ENOX2: variants seen among roughly 807,000 people sequenced by gnomAD.
ENOX2 encodes ecto-NOX disulfide-thiol exchanger 2.
In ENOX2, 36 loss-of-function variants were observed where a neutral mutation model predicts 45.0. That is an observed-to-expected ratio of 0.80 (90% confidence interval 0.61 to 1.06). The LOEUF (loss-of-function observed/expected upper bound fraction) is 1.06, where lower values mean the gene tolerates loss of function less well. ENOX2 is among the 50% of genes least tolerant of loss of function. The pLI is 0.00. For missense variants in ENOX2, 423 were observed against 462.5 expected, an observed-to-expected ratio of 0.91 and a Z score of 0.78; for synonymous variants, 174 against 152.3, an observed-to-expected ratio of 1.14 and a Z score of -1.05.
intron 2 of ENOX2, 52 bp from the exon 3 acceptor site, chrX:130,783,742 G>T (rs2076927167): frequency 4.2e-6 from 1 of 239,541 alleles, no homozygotes; most frequent in Non-Finnish European, 7.7e-6. Context: ...GACTGGGATT[G>T]TCTCCAGATT....
chrX:130,828,894 A>G (rs943581952), intron 2 of ENOX2, among the ~76,000 whole-genome samples: 3 of 111,891 alleles, frequency 2.7e-5, no homozygotes, highest in African/African-American at 9.7e-5. Context: ...TAGACTGAGA[A>G]CTGAGTAGAT....
chrX:130,836,696 A>C (rs1208953880), intron 2 of ENOX2, among the ~76,000 whole-genome samples: 1 of 111,892 alleles, frequency 8.9e-6, no homozygotes, highest in East Asian at 2.8e-4. Context: ...AAAGCTCTCA[A>C]GAGTGGGTAA....
At chrX:130,888,193 A>G (rs1206598079) in intron 2 of ENOX2, among the ~76,000 whole-genome samples, 1 of 112,330 alleles carries the variant, frequency 8.9e-6, no homozygotes, top group Non-Finnish European at 1.9e-5. Context: ...TGAAGGTGAA[A>G]AGCCAAGAGC....
intron 2 of ENOX2, among the ~76,000 whole-genome samples, chrX:130,867,895 G>A (rs1282828704): frequency 1.8e-5 from 2 of 111,892 alleles, no homozygotes; most frequent in Admixed American, 9.5e-5. Flanking sequence ...GACTTGCATA[G>A]GAGGATGCAA....
chrX:130,622,847 A>G lies in ENOX2; in HGVS notation c.*2467T>C, dbSNP rs1039730765. ...GAGAGAGATCTATTTATTTTAAGGA[A>G]TTGGCTCTTGCAATTATGGGGGCTG... On this transcript the variant is annotated 3_prime_UTR_variant, in exon 15 of 15. Transcript: ENST00000394363. 1.8e-5 allele frequency among the ~76,000 whole-genome samples: 2 copies of G among 111,636 alleles called. No homozygotes were observed. Among genetic ancestry groups the G allele is most frequent in the African/African-American group, 6.5e-5 (2 of 30,720 alleles).
At chrX:130,871,550 G>C (rs1461820440) in intron 2 of ENOX2, among the ~76,000 whole-genome samples, 2 of 111,556 alleles carry the variant, frequency 1.8e-5, no homozygotes, top group African/African-American at 6.5e-5. Flanking sequence ...GCTAGCAAAA[G>C]AAGAGGAGGC....
At chrX:130,749,934 T>C (rs927248816) in intron 3 of ENOX2, among the ~76,000 whole-genome samples, 1 of 110,561 alleles carries the variant, frequency 9.0e-6, no homozygotes, top group Non-Finnish European at 1.9e-5. Context: ...ACACTCTCTC[T>C]GTCTTCCTGC....
At chrX:130,664,128 A>G (rs928856943) in intron 9 of ENOX2, among the ~76,000 whole-genome samples, 2 of 112,027 alleles carry the variant, frequency 1.8e-5, no homozygotes, top group Non-Finnish European at 3.8e-5. Flanking sequence ...GTCTTCAGGG[A>G]TTTCTTTCTA....
chrX:130,886,920 T>C (rs1483973845), intron 2 of ENOX2, among the ~76,000 whole-genome samples: 1 of 112,297 alleles, frequency 8.9e-6, no homozygotes, highest in Non-Finnish European at 1.9e-5. Context: ...CTCTAAGCTA[T>C]ATCACATACT....
At chrX:130,722,969 C>T (rs1326555939) in intron 3 of ENOX2, among the ~76,000 whole-genome samples, 2 of 112,211 alleles carry the variant, frequency 1.8e-5, no homozygotes, top group Admixed American at 9.4e-5. Flanking sequence ...TCCTTACACC[C>T]ACAGGTGCAA....
intron 2 of ENOX2, among the ~76,000 whole-genome samples, chrX:130,831,048 G>C (rs1013936963): frequency 9.0e-6 from 1 of 111,705 alleles, no homozygotes; most frequent in African/African-American, 3.3e-5. Flanking sequence ...GGGCAGAAGG[G>C]CAAGCAAGCA....
chrX:130,821,397 T>C (rs1195934052), intron 2 of ENOX2, among the ~76,000 whole-genome samples: 1 of 93,935 alleles, frequency 1.1e-5, no homozygotes, highest in Non-Finnish European at 2.1e-5. Flanking sequence ...TGTAGGGACA[T>C]GGATGAAATT....
intron 3 of ENOX2, among the ~76,000 whole-genome samples, chrX:130,706,882 T>G (rs916556846): frequency 1.8e-5 from 2 of 112,206 alleles, no homozygotes. Context: ...CAGTTTGATC[T>G]CATTAGCTAT....
At chrX:130,736,358 C>CA (rs373978092) in intron 3 of ENOX2, among the ~76,000 whole-genome samples, 956 of 94,914 alleles carry the variant, frequency 0.01, 6 homozygotes, top group Middle Eastern at 0.029. Flanking sequence ...GACTCCATCT[C>CA]AAAAAAAAAA....
chrX:130,645,908 G>C (rs2036221423), intron 10 of ENOX2: 1 of 695,463 alleles, frequency 1.4e-6, no homozygotes, highest in Non-Finnish European at 2.3e-6. Flanking sequence ...GGAAAGTGTA[G>C]TTTAACTTGG....
chrX:130,706,876 T>G (rs2148230192), intron 3 of ENOX2, among the ~76,000 whole-genome samples: 1 of 112,226 alleles, frequency 8.9e-6, no homozygotes, highest in African/African-American at 3.2e-5. Flanking sequence ...ATAACTCAGT[T>G]TGATCTCATT....
At position 130,624,726 on chromosome X, in the gene ENOX2, CT is replaced by C. The variant is rs2035499793; in HGVS notation, c.*587del. 8.9e-6 allele frequency: 1 copy of C among 112,526 alleles called. No homozygotes were observed. 9.3% of individuals were successfully genotyped at this position (112,526 alleles called of 1,213,427 possible). ...AAAATAACTTTGGAACATTTGTCAA[CT>C]TTTGGTTCATAGTAATTTTGCAAAA... On this transcript the variant is annotated 3_prime_UTR_variant, in exon 15 of 15. Coordinates refer to ENST00000394363, the MANE Select transcript of ENOX2 (RefSeq NM_006375.4).
chrX:130,888,475 T>C (rs1257634511), intron 2 of ENOX2, among the ~76,000 whole-genome samples: 3 of 112,025 alleles, frequency 2.7e-5, no homozygotes, highest in Non-Finnish European at 5.6e-5. Flanking sequence ...TCTTTGAGCC[T>C]AAGTTCCCTT....
intron 2 of ENOX2, among the ~76,000 whole-genome samples, chrX:130,840,542 T>A (rs1374162743): frequency 9.3e-6 from 1 of 107,863 alleles, no homozygotes; most frequent in Non-Finnish European, 1.9e-5. Context: ...AATAAATAAA[T>A]AAATAAATAA....
Sources: allele counts gnomAD v4.1 joint callset (sites outside exome capture counted in the v4.1 genomes callset), GRCh38; gene constraint gnomAD v4.1.1; transcripts MANE v1.5; gene names NCBI Gene and HGNC (gene_info 2026-07-23, HGNC 2026-07-21).